Variants in PCDHA11 observed in about 807,000 individuals in gnomAD.
PCDHA11 encodes protocadherin alpha-11.
In PCDHA11, 61 loss-of-function variants were observed where a neutral mutation model predicts 70.3. That is an observed-to-expected ratio of 0.87 (90% CI 0.71 to 1.07). PCDHA11 has a LOEUF of 1.07. PCDHA11 is among the 50% of genes least tolerant of loss of function. The pLI, the probability that PCDHA11 is intolerant of heterozygous loss-of-function variation, is 0.00. For synonymous variants in PCDHA11, 633 were observed against 555.1 expected (o/e 1.14, Z -1.97); for missense variants, 1,324 against 1,237.5 (o/e 1.07, Z -1.05).
rs1562832308 is a variant in PCDHA11 at position 140,887,757 on chromosome 5, CAT to C, written c.2391+16266_2391+16267del. 3.3e-5 allele frequency among the ~76,000 whole-genome samples: 5 copies of C among 152,284 alleles called. No homozygotes were observed. In the East Asian group the frequency reaches 9.6e-4, roughly 29 times the overall value. On this transcript the variant is annotated intron_variant, in intron 1 of 3. Transcript: ENST00000398640. ...CATCCTTTCTGAGACTCCAGTAACA[CAT>C]ATGTTACAATGACACAGGTCATTGA...
chr5:140,876,476 T>G, intron 1 of PCDHA11: 1 of 1,614,036 alleles, frequency 6.2e-7, no homozygotes, highest in Non-Finnish European at 8.5e-7. Context: ...GGTCACAGCA[T>G]GGTCCTGGTG....
rs782448077 is a variant in PCDHA11 at position 140,870,373 on chromosome 5, G to T, written c.1270G>T (p.Val424Leu). 68 of 1,614,118 alleles carry T rather than the reference G, an allele frequency of 4.2e-5. No individual in the cohort carries two copies. In the Admixed American group the frequency reaches 5.3e-4, roughly 13 times the overall value. The change falls in exon 1 of 4, where the codon GTG becomes TTG. Residue 424 changes from valine (V) to leucine (L), a missense_variant. Val to Leu is a conservative substitution (Grantham distance 32). Coordinates refer to ENST00000398640, the MANE Select transcript of PCDHA11 (RefSeq NM_018902.5). The stretch of plus-strand genomic sequence containing the variant: ...GAACGTGTGGGCCTATGAACTGGTG[G>T]TGACTGCGCGGGATGGGGGTTCGCC... ...RENVWAYELV[V>L]TARDGGSPSL...
At chr5:140,973,858 C>G (rs1277402007) in intron 1 of PCDHA11, among the ~76,000 whole-genome samples, 1 of 152,156 alleles carries the variant, frequency 6.6e-6, no homozygotes, top group Non-Finnish European at 1.5e-5. Flanking sequence ...AATTTTTGCT[C>G]TCAATGAGAG....
chr5:140,884,737 T>C (rs1554181872), intron 1 of PCDHA11: 1 of 1,443,634 alleles, frequency 6.9e-7, no homozygotes, highest in Non-Finnish European at 9.1e-7. Context: ...AAGACATCTT[T>C]CCTGCCAATT....
At chr5:140,875,423 G>A in intron 1 of PCDHA11, 2 of 1,524,996 alleles carry the variant, frequency 1.3e-6, no homozygotes, top group Non-Finnish European at 1.8e-6. Flanking sequence ...CCTCAGGCAA[G>A]CGATCCCTTA....
chr5:140,877,721 A>C, intron 1 of PCDHA11: 3 of 1,614,000 alleles, frequency 1.9e-6, no homozygotes, highest in Non-Finnish European at 2.5e-6. Context: ...AGTTGGTCTT[A>C]CTCGCAGCAG....
At chr5:140,987,050 C>G (rs781947211) in intron 3 of PCDHA11, among the ~76,000 whole-genome samples, 34 of 151,840 alleles carry the variant, frequency 2.2e-4, no homozygotes, top group Non-Finnish European at 2.5e-4. Context: ...CCCATCTCTA[C>G]TAAAGTTACA....
intron 1 of PCDHA11, chr5:140,876,782 C>T (rs372500794): frequency 2.5e-6 from 4 of 1,614,096 alleles, no homozygotes; most frequent in African/African-American, 2.7e-5. Flanking sequence ...TCGCTGTGGG[C>T]CACGGCTAGA....
At chr5:140,915,259 T>A (rs1344301014) in intron 1 of PCDHA11, among the ~76,000 whole-genome samples, 2 of 152,182 alleles carry the variant, frequency 1.3e-5, no homozygotes, top group African/African-American at 2.4e-5. Flanking sequence ...GTTGTTATTA[T>A]TTTTGACCAG....
chr5:140,917,313 T>C (rs1294382574), intron 1 of PCDHA11, among the ~76,000 whole-genome samples: 12 of 132,588 alleles, frequency 9.1e-5, no homozygotes, highest in African/African-American at 3.0e-4. Flanking sequence ...TACAATTTGG[T>C]GTTCATGTGG....
intron 1 of PCDHA11, chr5:140,882,195 T>C: frequency 1.3e-6 from 2 of 1,521,122 alleles, no homozygotes; most frequent in Non-Finnish European, 8.8e-7. Flanking sequence ...GCCATAAAAA[T>C]TGGGCCTTGA....
intron 1 of PCDHA11, among the ~76,000 whole-genome samples, chr5:140,963,972 A>G (rs1233467161): frequency 2.0e-5 from 3 of 152,216 alleles, no homozygotes; most frequent in Non-Finnish European, 4.4e-5. Flanking sequence ...GACTGACTCC[A>G]AAGTCTATAT....
intron 3 of PCDHA11, among the ~76,000 whole-genome samples, chr5:140,984,986 G>A (rs553872050): frequency 6.6e-6 from 1 of 152,080 alleles, no homozygotes; most frequent in African/African-American, 2.4e-5. Context: ...CCCCCAGGCT[G>A]GAGTCCAGTG....
In PCDHA11 at chr5:140,941,202, C is replaced by CCCTTCTTTCTTTCTTTCTTT; in HGVS notation, c.2392-37746_2392-37745insCTTCTTTCTTTCTTTCTTTC. Among the ~76,000 whole-genome samples, 3 of 122,832 alleles carry CCCTTCTTTCTTTCTTTCTTT rather than the reference C, an allele frequency of 2.4e-5. No homozygotes were observed. The East Asian group carries it at 6.6e-4, about 27-fold the overall frequency. The allele number at this position is 122,832 out of a possible 152,430, so 80.6% of individuals were successfully genotyped here. A position where few individuals can be genotyped will look rare whatever the true frequency, so the allele number is the denominator to read the frequency against. On this transcript the variant is annotated intron_variant, in intron 1 of 3. Transcript: ENST00000398640. ...TCCTGCTTCTTTTTTTTTCTTTCTT[C>CCCTTCTTTCTTTCTTTCTTT]CTTTCTTTCTTCCTTTCTTTCTTTC...
At chr5:140,896,012 T>C (rs1554186792) in intron 1 of PCDHA11, among the ~76,000 whole-genome samples, 3 of 152,162 alleles carry the variant, frequency 2.0e-5, no homozygotes, top group African/African-American at 7.2e-5. Context: ...GGTTTCTCCA[T>C]GTTGGCCAGG....
chr5:140,988,557 T>G (rs1236263807), intron 3 of PCDHA11, among the ~76,000 whole-genome samples: 3 of 152,190 alleles, frequency 2.0e-5, no homozygotes, highest in African/African-American at 7.2e-5. Context: ...CTTCATCTTC[T>G]TCTTGGGAAA....
intron 1 of PCDHA11, among the ~76,000 whole-genome samples, chr5:140,911,032 A>G (rs2075293448): frequency 6.6e-6 from 1 of 152,092 alleles, no homozygotes; most frequent in African/African-American, 2.4e-5. Flanking sequence ...TTATAGGTCT[A>G]GAAGCAAACA....
At position 140,870,948 on chromosome 5, in the gene PCDHA11, C is replaced by T. The variant is rs868931274; in HGVS notation, c.1845C>T (p.Gly615=). ...CATATGAATTGCAGCCGGCGGCGGG[C>T]GGCTCGCGCATCCCGTTCCGCGTGG... ...WLSYELQPAA[G]GSRIPFRVGL... The change falls in exon 1 of 4, where the codon GGC becomes GGT. Residue 615 remains glycine, a synonymous_variant. Coordinates refer to ENST00000398640, the MANE Select transcript of PCDHA11 (RefSeq NM_018902.5). 3.0e-5 allele frequency: 49 copies of T among 1,613,584 alleles called. 1 individual carries two copies. The Middle Eastern group carries it at 7.0e-3, about 229-fold the overall frequency.
intron 1 of PCDHA11, among the ~76,000 whole-genome samples, chr5:140,938,097 A>AT (rs775272450): frequency 6.6e-6 from 1 of 151,930 alleles, no homozygotes; most frequent in Non-Finnish European, 1.5e-5. Flanking sequence ...TTATTATTGT[A>AT]TTTTTTACTT....
Sources: allele counts gnomAD v4.1 joint callset (sites outside exome capture counted in the v4.1 genomes callset), GRCh38; gene constraint gnomAD v4.1.1; transcripts MANE v1.5; gene names NCBI Gene and HGNC (gene_info 2026-07-23, HGNC 2026-07-21).